Variants in XKR6 observed in about 807,000 individuals in gnomAD.
XKR6 encodes XK-related protein 6.
A neutral mutation model predicts 56.7 loss-of-function variants in XKR6; 22 were observed. The ratio of observed to expected loss-of-function variants is 0.39; its 90% confidence interval spans 0.28 to 0.55. XKR6 has a LOEUF of 0.55. XKR6 is among the 20% of genes least tolerant of loss of function. XKR6 has a pLI of 0.66. For synonymous variants in XKR6, 524 were observed against 387.8 expected, an observed-to-expected ratio of 1.35 and a Z score of -4.13; for missense variants, 852 against 889.0, an observed-to-expected ratio of 0.96 and a Z score of 0.53.
At chr8:10,931,278 G>C (rs951389991) in intron 1 of XKR6, among the ~76,000 whole-genome samples, 10 of 152,044 alleles carry the variant, frequency 6.6e-5, no homozygotes, top group African/African-American at 2.2e-4. Context: ...AGAAATCAAA[G>C]AAAACCTAAA....
intron 1 of XKR6, among the ~76,000 whole-genome samples, chr8:11,169,607 A>G (rs1169648623): frequency 6.6e-6 from 1 of 152,238 alleles, no homozygotes; most frequent in Non-Finnish European, 1.5e-5. Flanking sequence ...AAATTAGCAT[A>G]CAGTTTATCA....
intron 1 of XKR6, among the ~76,000 whole-genome samples, chr8:11,087,976 A>C (rs957514491): frequency 6.6e-6 from 1 of 152,210 alleles, no homozygotes; most frequent in Non-Finnish European, 1.5e-5. Context: ...AACAACTTGC[A>C]CCTGATTTGT....
chr8:10,945,118 A>C (rs1801496155), intron 1 of XKR6, among the ~76,000 whole-genome samples: 1 of 152,102 alleles, frequency 6.6e-6, no homozygotes, highest in South Asian at 2.1e-4. Context: ...ACCCAGCCTC[A>C]TTTCCCCACC....
intron 1 of XKR6, among the ~76,000 whole-genome samples, chr8:11,080,848 C>T (rs915208091): frequency 6.6e-6 from 1 of 152,150 alleles, no homozygotes; most frequent in Non-Finnish European, 1.5e-5. Context: ...GTTTGCCGGT[C>T]GAAGCTGCCA....
At chr8:10,984,726 CTCTCTCTATA>C (rs1178468345) in intron 1 of XKR6, among the ~76,000 whole-genome samples, 29 of 70,302 alleles carry the variant, frequency 4.1e-4, no homozygotes, top group African/African-American at 1.4e-3. Flanking sequence ...CTCTCTCTCT[CTCTCTCTATA>C]TATATATATA....
At chr8:11,092,469 G>C (rs988549181) in intron 1 of XKR6, among the ~76,000 whole-genome samples, 3 of 152,166 alleles carry the variant, frequency 2.0e-5, no homozygotes, top group Non-Finnish European at 4.4e-5. Context: ...CTAGGTTTAG[G>C]GGGGTAGGTG....
intron 1 of XKR6, among the ~76,000 whole-genome samples, chr8:10,939,188 G>A (rs369117605): frequency 1.3e-5 from 2 of 152,090 alleles, no homozygotes; most frequent in African/African-American, 4.8e-5. Flanking sequence ...CAGAACTTCC[G>A]CTCCCCAGTA....
At chr8:11,067,169 C>G (rs1293356443) in intron 1 of XKR6, 4 of 152,362 alleles carry the variant, frequency 2.6e-5, no homozygotes, top group Admixed American at 2.0e-4. Context: ...ATGTCTGACG[C>G]GGGCATCTGA....
intron 1 of XKR6, among the ~76,000 whole-genome samples, chr8:11,144,208 T>G (rs1296610017): frequency 3.1e-5 from 4 of 129,450 alleles, no homozygotes; most frequent in African/African-American, 1.3e-4. Context: ...TGATGTAGTT[T>G]TGTTTTAAAT....
chr8:11,144,514 G>A (rs756083889), intron 1 of XKR6, among the ~76,000 whole-genome samples: 1 of 152,062 alleles, frequency 6.6e-6, no homozygotes, highest in African/African-American at 2.4e-5. Context: ...AGACCAGGGC[G>A]CAGGCACAGG....
At chr8:11,191,000 A>G (rs1803543012) in intron 1 of XKR6, among the ~76,000 whole-genome samples, 1 of 152,176 alleles carries the variant, frequency 6.6e-6, no homozygotes, top group African/African-American at 2.4e-5. Flanking sequence ...ACACACTAGC[A>G]GGGCTCACCT....
chr8:11,134,643 G>A (rs1800289002), intron 1 of XKR6, among the ~76,000 whole-genome samples: 2 of 152,014 alleles, frequency 1.3e-5, no homozygotes, highest in Admixed American at 1.3e-4. Flanking sequence ...TTTTTACTGT[G>A]AGTTGGAGTG....
intron 1 of XKR6, among the ~76,000 whole-genome samples, chr8:11,171,419 T>A (rs915296805): frequency 1.3e-5 from 2 of 152,214 alleles, no homozygotes; most frequent in African/African-American, 4.8e-5. Context: ...ATTTTTCCCC[T>A]CCAAATCTCA....
At chr8:11,161,622 T>G (rs1801818058) in intron 1 of XKR6, among the ~76,000 whole-genome samples, 2 of 152,256 alleles carry the variant, frequency 1.3e-5, no homozygotes, top group African/African-American at 4.8e-5. Flanking sequence ...GTTTTCATCT[T>G]TCTCATATAC....
chr8:11,145,359 T>C (rs139217774), intron 1 of XKR6, among the ~76,000 whole-genome samples: 219 of 152,208 alleles, frequency 1.4e-3, no homozygotes, highest in Non-Finnish European at 1.5e-3. Context: ...CAACTAAAGA[T>C]AATAATTTTC....
intron 1 of XKR6, among the ~76,000 whole-genome samples, chr8:10,945,440 C>T (rs780592776): frequency 5.9e-5 from 9 of 152,050 alleles, no homozygotes; most frequent in East Asian, 3.9e-4. Context: ...GCCGAGATGG[C>T]GCCACTGCAC....
chr8:10,912,108 A>G (rs1263117807), intron 2 of XKR6, among the ~76,000 whole-genome samples: 6 of 149,864 alleles, frequency 4.0e-5, no homozygotes, highest in Non-Finnish European at 8.9e-5. Context: ...GTGTGTGTGT[A>G]TATATATAGA....
chr8:11,002,079 AAAC>A lies in XKR6; in HGVS notation c.765-77252_765-77250del, dbSNP rs1383193922. On this transcript the variant is annotated intron_variant, in intron 1 of 2. Coordinates refer to ENST00000416569, the MANE Select transcript of XKR6 (RefSeq NM_173683.4). The stretch of plus-strand genomic sequence containing the variant: ...ACCATGTGAGTTAAAAAAAAAAAAA[AAAC>A]ACACAAAAAACCTCCTTCCAGGTCC... Among the ~76,000 whole-genome samples the A allele has an allele frequency of 2.0e-3, 280 of 139,796 alleles. 1 individual carries two copies. Among genetic ancestry groups the A allele is most frequent in the African/African-American group, 7.5e-3 (259 of 34,712 alleles). 91.7% of individuals were successfully genotyped at this position (139,796 alleles called of 152,430 possible).
At chr8:11,016,150 C>T (rs1195324190) in intron 1 of XKR6, among the ~76,000 whole-genome samples, 1 of 152,208 alleles carries the variant, frequency 6.6e-6, no homozygotes, top group Non-Finnish European at 1.5e-5. Context: ...GGGTGCAGCT[C>T]CCCTGGCACA....
Sources: gnomAD v4.1 joint callset for allele counts (sites outside exome capture counted in the v4.1 genomes callset) on GRCh38, gnomAD v4.1.1 for gene constraint, MANE v1.5 for transcripts, NCBI Gene and HGNC (gene_info 2026-07-23, HGNC 2026-07-21) for gene names.